THSD7A: variants seen among roughly 807,000 people sequenced by gnomAD.
THSD7A encodes the protein thrombospondin type-1 domain-containing protein 7A.
A neutral mutation model predicts 231.3 loss-of-function variants in THSD7A; 96 were observed. The observed-to-expected ratio is 0.41, with a 90% CI of 0.35 to 0.49. The LOEUF (loss-of-function observed/expected upper bound fraction) is 0.49. Among genes scored for constraint, THSD7A ranks in the 20% least tolerant of loss-of-function variants. The pLI is 0.05. For synonymous variants in THSD7A, 940 were observed against 743.3 expected (o/e 1.26, Z -4.30); for missense variants, 2,290 against 2,070.2 (o/e 1.11, Z -2.06).
At chr7:11,511,509 C>T (rs1212575462) in intron 6 of THSD7A, among the ~76,000 whole-genome samples, 1 of 152,202 alleles carries the variant, frequency 6.6e-6, no homozygotes, top group Admixed American at 6.5e-5. Flanking sequence ...AAGCTGGAGG[C>T]ATCACGCTAC....
At chr7:11,425,623 G>T (rs1037463687) in intron 15 of THSD7A, among the ~76,000 whole-genome samples, 3 of 151,690 alleles carry the variant, frequency 2.0e-5, no homozygotes, top group African/African-American at 7.3e-5. Flanking sequence ...ACTAAATAAA[G>T]GAAATAAATG....
At chr7:11,460,254 T>A (rs1003535237) in intron 11 of THSD7A, among the ~76,000 whole-genome samples, 1 of 152,180 alleles carries the variant, frequency 6.6e-6, no homozygotes, top group Non-Finnish European at 1.5e-5. Context: ...TTCTATTACA[T>A]TGTATGTATG....
intron 23 of THSD7A, among the ~76,000 whole-genome samples, chr7:11,383,283 T>A (rs891630097): frequency 2.6e-5 from 4 of 152,050 alleles, no homozygotes; most frequent in Non-Finnish European, 5.9e-5. Flanking sequence ...TAAGTGATTT[T>A]AAAAAATGTA....
At chr7:11,404,404 T>C (rs948192920) in intron 22 of THSD7A, among the ~76,000 whole-genome samples, 2 of 152,320 alleles carry the variant, frequency 1.3e-5, no homozygotes, top group East Asian at 3.9e-4. Flanking sequence ...GGTGTGAATG[T>C]CACAACAATC....
chr7:11,734,439 A>G (rs1280486051), intron 1 of THSD7A, among the ~76,000 whole-genome samples: 6 of 152,012 alleles, frequency 3.9e-5, no homozygotes, highest in Non-Finnish European at 8.8e-5. Flanking sequence ...CACTCCAGAA[A>G]AATAAGAACC....
Position 11,702,517 on chromosome 7 carries a change from G to A in THSD7A, c.191-65556C>T, listed in dbSNP as rs1584235209. Among the ~76,000 whole-genome samples, 3 of 151,292 alleles carry A rather than the reference G, an allele frequency of 2.0e-5. No individual in the cohort carries two copies. In the South Asian group the frequency reaches 6.2e-4, roughly 31 times the overall value. ...CTTTTCTGCCACCAGCCTGAGAAAAGTTTCTTGCTTTAAAGAGCTCATATG... is the reference window on the plus strand; with the variant it reads ...CTTTTCTGCCACCAGCCTGAGAAAAATTTCTTGCTTTAAAGAGCTCATATG... On this transcript the variant is annotated intron_variant, in intron 1 of 27. Transcript: ENST00000423059.
chr7:11,695,355 C>T lies in THSD7A; in HGVS notation c.191-58394G>A, dbSNP rs184453261. 2.6e-3 allele frequency among the ~76,000 whole-genome samples: 397 copies of T among 151,470 alleles called. 1 individual carries two copies. The highest frequency in any genetic ancestry group is 9.4e-3 in the African/African-American group (390 of 41,426). ...TTATCCAATTTTCATTTAATGAGCA[C>T]CAAACATGCATCACTCTCTATGCCA... is the stretch of plus-strand genomic sequence containing the variant. On this transcript the variant is annotated intron_variant, in intron 1 of 27. Transcript: ENST00000423059.
intron 1 of THSD7A, among the ~76,000 whole-genome samples, chr7:11,685,384 T>A (rs929190975): frequency 6.6e-6 from 1 of 151,840 alleles, no homozygotes; most frequent in African/African-American, 2.4e-5. Context: ...TGAGACCTAC[T>A]TAAACTAAGG....
At chr7:11,733,948 A>G (rs1191734740) in intron 1 of THSD7A, among the ~76,000 whole-genome samples, 1 of 151,562 alleles carries the variant, frequency 6.6e-6, no homozygotes, top group Non-Finnish European at 1.5e-5. Context: ...CTTTTGTTAT[A>G]TTTCCCTTCA....
intron 1 of THSD7A, among the ~76,000 whole-genome samples, chr7:11,797,641 A>G: frequency 6.6e-6 from 1 of 151,396 alleles, no homozygotes; most frequent in East Asian, 1.9e-4. Context: ...ATGGTCTCAA[A>G]CTTCTGGCCT....
chr7:11,458,708 A>T (rs1447436090), intron 11 of THSD7A, among the ~76,000 whole-genome samples: 1 of 152,110 alleles, frequency 6.6e-6, no homozygotes, highest in Non-Finnish European at 1.5e-5. Context: ...TCACAGAGGG[A>T]GTGGGTAACA....
intron 1 of THSD7A, among the ~76,000 whole-genome samples, chr7:11,732,317 A>G (rs1340541506): frequency 6.6e-6 from 1 of 151,826 alleles, no homozygotes; most frequent in Admixed American, 6.6e-5. Context: ...ATGTAAATAG[A>G]TGAACTGCAA....
At chr7:11,698,162 C>T (rs1431051124) in intron 1 of THSD7A, among the ~76,000 whole-genome samples, 9 of 151,160 alleles carry the variant, frequency 6.0e-5, no homozygotes, top group Non-Finnish European at 8.9e-5. Flanking sequence ...AAATATGATA[C>T]GATTATTTCT....
chr7:11,805,977 G>T (rs1784388908), intron 1 of THSD7A, among the ~76,000 whole-genome samples: 1 of 152,120 alleles, frequency 6.6e-6, no homozygotes, highest in African/African-American at 2.4e-5. Context: ...GTACAAAAGG[G>T]AAAACTATTC....
At chr7:11,649,064 A>G (rs551728735) in intron 1 of THSD7A, among the ~76,000 whole-genome samples, 176 of 152,142 alleles carry the variant, frequency 1.2e-3, no homozygotes, top group African/African-American at 4.1e-3. Context: ...AGATATTGCC[A>G]AAATATTTGT....
chr7:11,663,247 G>C (rs555240425), intron 1 of THSD7A, among the ~76,000 whole-genome samples: 1 of 151,180 alleles, frequency 6.6e-6, no homozygotes, highest in African/African-American at 2.4e-5. Context: ...CAAATCTTAT[G>C]CCACATAAGT....
intron 1 of THSD7A, among the ~76,000 whole-genome samples, chr7:11,771,649 G>C (rs890349540): frequency 1.3e-5 from 2 of 151,578 alleles, no homozygotes; most frequent in African/African-American, 4.9e-5. Context: ...TTTCTCAAAA[G>C]AAGTCATACA....
intron 4 of THSD7A, among the ~76,000 whole-genome samples, chr7:11,587,034 A>G (rs1338585224): frequency 6.6e-6 from 1 of 152,150 alleles, no homozygotes; most frequent in Non-Finnish European, 1.5e-5. Context: ...TATAACCAAT[A>G]CTTTCAGCTT....
rs1782133735 is a variant in THSD7A, at chr7:11,373,338, GTCTT to G, written c.*2452_*2455del. ...GAATTTTTCAAGTAACCACAATAGA[GTCTT>G]TCTTAACTATTTTGGACAAATGGAG... is the stretch of plus-strand genomic sequence containing the variant. On this transcript the variant is annotated 3_prime_UTR_variant, in exon 28 of 28. Coordinates refer to ENST00000423059, the MANE Select transcript of THSD7A (RefSeq NM_015204.3). 2.0e-5 allele frequency: 3 copies of G among 151,882 alleles called. No homozygotes were observed. Among genetic ancestry groups the G allele is most frequent in the Non-Finnish European group, 2.9e-5 (2 of 67,926 alleles). The allele number at this position is 151,882 out of a possible 1,614,324, so 9.4% of individuals were successfully genotyped here.
Sources: allele counts gnomAD v4.1 joint callset (sites outside exome capture counted in the v4.1 genomes callset), GRCh38; gene constraint gnomAD v4.1.1; transcripts MANE v1.5; gene names NCBI Gene and HGNC (gene_info 2026-07-23, HGNC 2026-07-21).